LARGE1: variants seen among roughly 807,000 people sequenced by gnomAD.
LARGE1 encodes the protein LARGE xylosyl- and glucuronyltransferase 1.
In LARGE1, 43 loss-of-function variants were observed where a neutral mutation model predicts 87.6. The observed-to-expected ratio is 0.49, with a 90% CI of 0.38 to 0.63. LARGE1 has a LOEUF of 0.63. Ranked by LOEUF, LARGE1 falls within the 30% of genes least tolerant of loss-of-function variation. LARGE1 has a pLI of 0.00. For missense variants in LARGE1, 802 were observed against 1,000.2 expected (o/e 0.80, Z 2.67); for synonymous variants, 434 against 394.6 (o/e 1.10, Z -1.18).
chr22:33,580,726 GA>G (rs978437653), intron 5 of LARGE1, among the ~76,000 whole-genome samples: 96 of 152,328 alleles, frequency 6.3e-4, no homozygotes, highest in African/African-American at 2.3e-3. Context: ...AATAACAGGG[GA>G]TGAGAAAGGG....
At chr22:33,723,354 C>T (rs774547187) in intron 2 of LARGE1, among the ~76,000 whole-genome samples, 1 of 152,130 alleles carries the variant, frequency 6.6e-6, no homozygotes, top group Non-Finnish European at 1.5e-5. Flanking sequence ...GGGAGGCATG[C>T]CATCTTTCTT....
At chr22:33,727,558 A>G (rs2083308724) in intron 2 of LARGE1, 1 of 152,248 alleles carries the variant, frequency 6.6e-6, no homozygotes, top group Non-Finnish European at 1.5e-5. Context: ...TGTGGCTTCA[A>G]TCCCCACCAG....
intron 11 of LARGE1, among the ~76,000 whole-genome samples, chr22:33,220,015 C>T (rs1328007715): frequency 6.6e-6 from 1 of 152,152 alleles, no homozygotes; most frequent in Non-Finnish European, 1.5e-5. Context: ...TCCACTCTAA[C>T]CTTGATTTTT....
chr22:33,703,889 A>G (rs1296378219), intron 2 of LARGE1, among the ~76,000 whole-genome samples: 3 of 152,236 alleles, frequency 2.0e-5, no homozygotes, highest in African/African-American at 7.2e-5. Flanking sequence ...CAGAAAACTA[A>G]CATATATGTG....
intron 6 of LARGE1, among the ~76,000 whole-genome samples, chr22:33,536,822 A>AT (rs933034023): frequency 5.9e-5 from 9 of 152,054 alleles, no homozygotes; most frequent in Non-Finnish European, 7.4e-5. Flanking sequence ...TTATTTACTT[A>AT]TTTTTTGAGA....
chr22:33,708,028 G>A (rs543445800), intron 2 of LARGE1, among the ~76,000 whole-genome samples: 15 of 152,238 alleles, frequency 9.9e-5, no homozygotes, highest in South Asian at 2.1e-4. Flanking sequence ...CCAGGCTGAC[G>A]ATGTCCAAGC....
intron 11 of LARGE1, among the ~76,000 whole-genome samples, chr22:33,307,616 C>T (rs767397344): frequency 4.6e-5 from 7 of 152,038 alleles, no homozygotes; most frequent in African/African-American, 1.7e-4. Context: ...TCCAATGCAT[C>T]GGATATACTA....
chr22:33,275,640 C>G (rs1297803172), intron 14 of LARGE1, among the ~76,000 whole-genome samples: 1 of 152,090 alleles, frequency 6.6e-6, no homozygotes, highest in African/African-American at 2.4e-5. Flanking sequence ...TAATACCTGG[C>G]AGGTGTGCAC....
At chr22:33,207,806 C>T (rs1459937175) in intron 11 of LARGE1, among the ~76,000 whole-genome samples, 3 of 152,150 alleles carry the variant, frequency 2.0e-5, no homozygotes, top group African/African-American at 7.2e-5. Context: ...CATGTGTGGT[C>T]TCTGCAAGTG....
intron 1 of LARGE1, among the ~76,000 whole-genome samples, chr22:33,771,148 A>G (rs974212967): frequency 7.0e-6 from 1 of 143,636 alleles, no homozygotes; most frequent in East Asian, 2.0e-4. Context: ...TCTTTATCAT[A>G]CTCTCTATCC....
chr22:33,615,897 G>A (rs1280809060), intron 4 of LARGE1, among the ~76,000 whole-genome samples: 1 of 151,972 alleles, frequency 6.6e-6, no homozygotes, highest in Non-Finnish European at 1.5e-5. Context: ...TATACAAATG[G>A]CCAACAAGCA....
At chr22:33,153,535 T>G in the LARGE1 span, among the ~76,000 whole-genome samples, 1 of 152,240 alleles carries the variant, frequency 6.6e-6, no homozygotes, top group Non-Finnish European at 1.5e-5. Context: ...AGGTTTGTTG[T>G]GGGTGAGTTG....
At chr22:33,429,288 G>A (rs2066996908) in intron 7 of LARGE1, among the ~76,000 whole-genome samples, 1 of 152,156 alleles carries the variant, frequency 6.6e-6, no homozygotes, top group Admixed American at 6.5e-5. Flanking sequence ...TGTTGCCTAA[G>A]TCCTTTCATA....
At chr22:33,911,550 T>C (rs1397335707) in intron 1 of LARGE1, among the ~76,000 whole-genome samples, 1 of 152,176 alleles carries the variant, frequency 6.6e-6, no homozygotes, top group Non-Finnish European at 1.5e-5. Flanking sequence ...ACCTAAGTCA[T>C]TTCATAATCA....
intron 2 of LARGE1, among the ~76,000 whole-genome samples, chr22:33,676,959 A>G (rs993686765): frequency 6.6e-6 from 1 of 152,234 alleles, no homozygotes; most frequent in African/African-American, 2.4e-5. Context: ...AAGAAGGAAA[A>G]TTAAAATGTT....
At chr22:33,230,685 C>A (rs1377784951) in intron 11 of LARGE1, among the ~76,000 whole-genome samples, 1 of 125,456 alleles carries the variant, frequency 8.0e-6, no homozygotes, top group Non-Finnish European at 1.7e-5. Context: ...GCCCATGGGG[C>A]CTTAATGGTG....
Position 33,433,739 on chromosome 22 carries a change from C to T in LARGE1, c.788-1474G>A, listed in dbSNP as rs1214725564. Among the ~76,000 whole-genome samples, 3 of 151,582 alleles carry T rather than the reference C, an allele frequency of 2.0e-5. No homozygotes were observed. In the East Asian group the frequency reaches 5.8e-4, roughly 29 times the overall value. The stretch of plus-strand genomic sequence containing the variant: ...TACCTTTTGAATTTACACTCTTGTA[C>T]TGTTGGCCAATTTGAGAAATAAAGA... On this transcript the variant is annotated intron_variant, in intron 6 of 14. Transcript: ENST00000397394.
chr22:33,533,866 C>T (rs1039727321), intron 6 of LARGE1, among the ~76,000 whole-genome samples: 1 of 149,602 alleles, frequency 6.7e-6, no homozygotes, highest in African/African-American at 2.5e-5. Flanking sequence ...GCTGTTTCAT[C>T]TTTCTTAGGA....
At chr22:33,136,255 G>A in the LARGE1 span, among the ~76,000 whole-genome samples, 1 of 152,208 alleles carries the variant, frequency 6.6e-6, no homozygotes, top group Non-Finnish European at 1.5e-5. Context: ...AAGAAAAAGA[G>A]GTTTAGCAGA....
Sources: allele counts gnomAD v4.1 joint callset (sites outside exome capture counted in the v4.1 genomes callset), GRCh38; gene constraint gnomAD v4.1.1; transcripts MANE v1.5; gene names NCBI Gene and HGNC (gene_info 2026-07-23, HGNC 2026-07-21).